Variants in PLEKHM3 observed in about 807,000 individuals in gnomAD.
PLEKHM3 encodes the protein pleckstrin homology domain-containing family M member 3.
A neutral mutation model predicts 81.8 loss-of-function variants in PLEKHM3; 45 were observed. The observed-to-expected ratio is 0.55, with a 90% confidence interval of 0.43 to 0.71. The LOEUF (loss-of-function observed/expected upper bound fraction) is 0.71. Ranked by LOEUF, PLEKHM3 falls within the 30% of genes least tolerant of loss-of-function variation. The pLI is 0.00. For synonymous variants in PLEKHM3, 352 were observed against 356.4 expected (o/e 0.99, Z 0.14); for missense variants, 788 against 924.3 (o/e 0.85, Z 1.91).
Position 208,001,584 on chromosome 2 carries a change from A to G in PLEKHM3, c.56T>C (p.Phe19Ser). 1 of 1,614,170 alleles carries G rather than the reference A, an allele frequency of 6.2e-7. No individual in the cohort carries two copies. Among genetic ancestry groups the G allele is most frequent in the Non-Finnish European group, 8.5e-7 (1 of 1,180,028 alleles). ...TAGATTACTATCCAAAGTACTAAAG[A>G]ATTCCTCCGTAACTTCTAAGGCTGG... is the stretch of plus-strand genomic sequence containing the variant. ...ISPALEVTEE[F>S]FSTLDSNLEK... The change falls in exon 2 of 8, where the codon TTC becomes TCC. Residue 19 changes from phenylalanine to serine, a missense_variant. Physicochemically the swap from Phe to Ser is radical, Grantham distance 155. Transcript: ENST00000427836.
At chr2:208,006,247 A>G (rs1005621916) in intron 1 of PLEKHM3, among the ~76,000 whole-genome samples, 4 of 152,218 alleles carry the variant, frequency 2.6e-5, no homozygotes, top group African/African-American at 4.8e-5. Context: ...TTTAATTTCT[A>G]TAATTGAGTA....
intron 1 of PLEKHM3, among the ~76,000 whole-genome samples, chr2:208,013,300 G>A (rs913158527): frequency 2.0e-5 from 3 of 151,826 alleles, no homozygotes; most frequent in Admixed American, 1.3e-4. Flanking sequence ...GGCAGATCAC[G>A]AGGTCAGGAG....
intron 7 of PLEKHM3, among the ~76,000 whole-genome samples, chr2:207,858,561 G>A (rs527290125): frequency 4.0e-5 from 6 of 150,980 alleles, no homozygotes; most frequent in South Asian, 4.2e-4. Context: ...TGCTCACTGC[G>A]ACCTTGGCTT....
chr2:207,828,496 C>G lies in PLEKHM3; in HGVS notation c.2109G>C (p.Arg703Ser), dbSNP rs575208674. ...GGAAAACGGCTCCACAGCTTTCACA[C>G]CTGCAAAAGTCAACCATGGATATGA... The part of the protein sequence containing the change: ...LYPFEDISTS[R>S]CESCGAVFHS... Residue 703 changes from arginine (R) to serine (S), a missense_variant and splice_region_variant, in exon 8 of 8, where the codon AGG becomes AGC. Physicochemically the swap from Arg to Ser is moderately radical, Grantham distance 110 (BLOSUM62 -1). Transcript: ENST00000427836. 6.2e-7 allele frequency: 1 copy of G among 1,613,056 alleles called. No individual in the cohort carries two copies. Among genetic ancestry groups the G allele is most frequent in the South Asian group, 1.1e-5 (1 of 90,960 alleles).
chr2:207,923,898 TA>T (rs1274492642), intron 5 of PLEKHM3, among the ~76,000 whole-genome samples: 72 of 90,780 alleles, frequency 7.9e-4, no homozygotes, highest in African/African-American at 2.2e-3. Context: ...TATATATATA[TA>T]TATATATTTT....
chr2:207,916,378 G>A (rs1161139809), intron 5 of PLEKHM3, among the ~76,000 whole-genome samples: 1 of 152,082 alleles, frequency 6.6e-6, no homozygotes, highest in Admixed American at 6.5e-5. Context: ...AAATTCTTAA[G>A]GTGTTTAACA....
At chr2:207,956,183 T>G (rs1690500292) in intron 3 of PLEKHM3, among the ~76,000 whole-genome samples, 1 of 152,092 alleles carries the variant, frequency 6.6e-6, no homozygotes, top group African/African-American at 2.4e-5. Context: ...GAATCCTGAG[T>G]GCTCAGAGTG....
chr2:207,845,834 C>G (rs2092379107), intron 7 of PLEKHM3, among the ~76,000 whole-genome samples: 1 of 152,164 alleles, frequency 6.6e-6, no homozygotes, highest in Admixed American at 6.5e-5. Context: ...AGTCTATTCC[C>G]TCATGGAGCT....
chr2:207,926,600 A>G (rs1006605457), intron 5 of PLEKHM3, among the ~76,000 whole-genome samples: 1 of 152,232 alleles, frequency 6.6e-6, no homozygotes, highest in African/African-American at 2.4e-5. Flanking sequence ...AATTCTTCTC[A>G]TGAAAAGTTA....
chr2:207,940,462 A>G (rs1689903860), intron 4 of PLEKHM3, among the ~76,000 whole-genome samples: 1 of 152,230 alleles, frequency 6.6e-6, no homozygotes, highest in Non-Finnish European at 1.5e-5. Flanking sequence ...ATATGAGGAA[A>G]CTGACACCAA....
intron 5 of PLEKHM3, among the ~76,000 whole-genome samples, chr2:207,917,247 T>C (rs1224125208): frequency 1.3e-5 from 2 of 152,214 alleles, no homozygotes; most frequent in African/African-American, 4.8e-5. Context: ...AATTTTTAAT[T>C]AGCTAACTGG....
intron 3 of PLEKHM3, among the ~76,000 whole-genome samples, chr2:207,969,722 T>C (rs567106180): frequency 1.3e-5 from 2 of 152,334 alleles, no homozygotes; most frequent in South Asian, 2.1e-4. Context: ...ACTTACAGCA[T>C]CCTTGGAGGA....
intron 4 of PLEKHM3, among the ~76,000 whole-genome samples, chr2:207,940,488 G>T (rs1689904763): frequency 6.6e-6 from 1 of 152,160 alleles, no homozygotes; most frequent in Non-Finnish European, 1.5e-5. Context: ...TAAATAACTT[G>T]CCTAGGTTAA....
intron 4 of PLEKHM3, among the ~76,000 whole-genome samples, chr2:207,932,730 TG>T (rs1689634634): frequency 6.6e-6 from 1 of 152,000 alleles, no homozygotes; most frequent in Non-Finnish European, 1.5e-5. Context: ...ACTCTCCTGG[TG>T]GGGAGAGGGT....
At position 207,836,318 on chromosome 2, in the gene PLEKHM3, T is replaced by TAAAAAAAAAAAAAAAAAAAA. The variant is rs34489704; in HGVS notation, c.2109-7823_2109-7822insTTTTTTTTTTTTTTTTTTTT. Among the ~76,000 whole-genome samples, 2 of 131,856 alleles carry TAAAAAAAAAAAAAAAAAAAA rather than the reference T, an allele frequency of 1.5e-5. 1 individual carries two copies. 86.5% of individuals were successfully genotyped at this position (131,856 alleles called of 152,430 possible). A position where few individuals can be genotyped will look rare whatever the true frequency, so the allele number is the denominator to read the frequency against. ...CAGCCTGGGCGACAGAGAGAGAGTC[T>TAAAAAAAAAAAAAAAAAAAA]AAAAAAAAAAAAAAAAAAGCACCAT... On this transcript the variant is annotated intron_variant, in intron 7 of 7. Transcript: ENST00000427836.
At chr2:207,927,850 C>G (rs1176930298) in intron 5 of PLEKHM3, among the ~76,000 whole-genome samples, 1 of 152,062 alleles carries the variant, frequency 6.6e-6, no homozygotes, top group African/African-American at 2.4e-5. Flanking sequence ...GAAAGTGTGG[C>G]CTGGCTGCAG....
Position 207,828,365 on chromosome 2 carries a change from A to G in PLEKHM3, c.2240T>C (p.Leu747Pro), listed in dbSNP as rs1464506011. 2 of 1,613,966 alleles carry G rather than the reference A, an allele frequency of 1.2e-6. No homozygotes were observed. The highest frequency in any genetic ancestry group is 2.2e-5 in the South Asian group (2 of 91,046). Residue 747 changes from leucine to proline, a missense_variant, in exon 8 of 8, where the codon CTA (leucine) becomes CCA (proline). Transcript: ENST00000427836. ...CTCGAACATGGTGCAAGCCTCCTCTAGACTCTCGTCCATGTTCAGTCTCTG... is the reference window on the plus strand; with the variant it reads ...CTCGAACATGGTGCAAGCCTCCTCTGGACTCTCGTCCATGTTCAGTCTCTG... ...FWQRLNMDESLEEACTMFELS... is the reference protein window; with the variant it reads ...FWQRLNMDESPEEACTMFELS...
At chr2:208,020,992 G>C (rs573740500) in intron 1 of PLEKHM3, among the ~76,000 whole-genome samples, 9 of 152,188 alleles carry the variant, frequency 5.9e-5, no homozygotes, top group Non-Finnish European at 1.3e-4. Context: ...ATTAAAGTCA[G>C]GCCTTTTGAA....
intron 5 of PLEKHM3, among the ~76,000 whole-genome samples, chr2:207,928,126 C>T (rs1165014381): frequency 6.6e-6 from 1 of 152,070 alleles, no homozygotes; most frequent in Non-Finnish European, 1.5e-5. Flanking sequence ...TAACCCTAAA[C>T]AATATTTTAA....
Sources: gnomAD v4.1 joint callset for allele counts (sites outside exome capture counted in the v4.1 genomes callset) on GRCh38, gnomAD v4.1.1 for gene constraint, MANE v1.5 for transcripts, NCBI Gene and HGNC (gene_info 2026-07-23, HGNC 2026-07-21) for gene names.